Variants in DMD observed in about 807,000 individuals in gnomAD.
DMD encodes the protein dystrophin, also known as mutant dystrophin.
A neutral mutation model predicts 330.1 loss-of-function variants in DMD; 63 were observed. The ratio of observed to expected loss-of-function variants is 0.19; its 90% CI spans 0.16 to 0.24. DMD has a LOEUF of 0.24. DMD is among the 10% of genes least tolerant of loss of function. The pLI is 1.00. For missense variants in DMD, 3,344 were observed against 2,684.1 expected (o/e 1.25, Z -5.43); for synonymous variants, 1,223 against 959.8 (o/e 1.27, Z -5.07).
At chrX:31,712,375 G>A (rs1414904008) in intron 52 of DMD, among the ~76,000 whole-genome samples, 1 of 111,512 alleles carries the variant, frequency 9.0e-6, no homozygotes, top group Non-Finnish European at 1.9e-5. Flanking sequence ...AATGTAGCAA[G>A]CTTGCTTTAC....
At chrX:33,009,011 T>A (rs1182768108) in intron 2 of DMD, among the ~76,000 whole-genome samples, 1 of 98,420 alleles carries the variant, frequency 1.0e-5, no homozygotes, top group Non-Finnish European at 2.1e-5. Context: ...TATACACACA[T>A]ACACACGTAT....
At chrX:32,891,723 T>C (rs1464626895) in intron 2 of DMD, among the ~76,000 whole-genome samples, 1 of 112,023 alleles carries the variant, frequency 8.9e-6, no homozygotes, top group Non-Finnish European at 1.9e-5. Context: ...GAGTCTATCA[T>C]CTGTAAATCA....
At position 32,342,127 on chromosome X, in the gene DMD, C is replaced by A; in HGVS notation, c.5895G>T (p.Gln1965His). 8.3e-7 allele frequency: 1 copy of A among 1,210,092 alleles called. No individual in the cohort carries two copies. Among genetic ancestry groups the A allele is most frequent in the East Asian group, 3.0e-5 (1 of 33,762 alleles). Residue 1965 changes from glutamine (Q) to histidine (H), a missense_variant, in exon 41 of 79, where the codon CAG becomes CAT. Gln to His is a conservative substitution (Grantham distance 24). Transcript: ENST00000357033. ...RWREIESKFA[Q>H]FRRLNFAQIH... is the part of the protein sequence containing the mutation. ...TTTGTGCAAAGTTGAGTCTTCGAAA[C>A]TGAGCAAATTTGCTCTCAATTTCCC...
intron 2 of DMD, among the ~76,000 whole-genome samples, chrX:32,962,046 G>A (rs978923128): frequency 2.7e-5 from 3 of 111,617 alleles, no homozygotes; most frequent in Non-Finnish European, 5.6e-5. Context: ...TCTAGCTGGG[G>A]AAGGCTGATG....
intron 1 of DMD, among the ~76,000 whole-genome samples, chrX:33,332,301 A>G (rs1226345146): frequency 8.9e-6 from 1 of 112,191 alleles, no homozygotes. Flanking sequence ...TTATAAAATG[A>G]CATTTGAGAT....
At chrX:32,621,990 C>T (rs780432462) in intron 11 of DMD, among the ~76,000 whole-genome samples, 1 of 111,729 alleles carries the variant, frequency 9.0e-6, no homozygotes, top group East Asian at 2.8e-4. Context: ...CATACTCACA[C>T]TTGAAAATTA....
At chrX:32,082,397 T>TATC (rs1163009627) in intron 44 of DMD, among the ~76,000 whole-genome samples, 3 of 97,799 alleles carry the variant, frequency 3.1e-5, no homozygotes, top group South Asian at 9.9e-4. Flanking sequence ...CCCGGCTATC[T>TATC]ATCTATCTAT....
intron 55 of DMD, among the ~76,000 whole-genome samples, chrX:31,588,321 T>G (rs1165112276): frequency 9.0e-6 from 1 of 111,149 alleles, no homozygotes; most frequent in African/African-American, 3.3e-5. Context: ...ACAAACCAAC[T>G]AATCCAAAGT....
intron 43 of DMD, among the ~76,000 whole-genome samples, chrX:32,272,527 A>C (rs1406665323): frequency 8.9e-6 from 1 of 112,364 alleles, no homozygotes; most frequent in Non-Finnish European, 1.9e-5. Flanking sequence ...TGGAAGGAAG[A>C]ACATAATCCT....
chrX:33,115,465 C>T (rs1323153502), intron 1 of DMD, among the ~76,000 whole-genome samples: 1 of 110,003 alleles, frequency 9.1e-6, no homozygotes, highest in Non-Finnish European at 1.9e-5. Flanking sequence ...AAGACCACGC[C>T]TAAACTACTG....
chrX:32,130,346 T>C (rs982756974), intron 44 of DMD, among the ~76,000 whole-genome samples: 5 of 111,810 alleles, frequency 4.5e-5, no homozygotes, highest in Non-Finnish European at 9.4e-5. Context: ...GAATTATCAA[T>C]GGATAAAATT....
Position 32,614,473 on chromosome X carries a change from C to T in DMD, c.1332-20G>A. On this transcript the variant is annotated intron_variant, in intron 11 of 78. Transcript: ENST00000357033. ...TGTAAACTGAAAATTTGAAAGAAGC[C>T]TATTATGACCTCTTTGAAAGCAACT... The T allele has an allele frequency of 8.5e-7, 1 of 1,173,292 alleles. No individual in the cohort carries two copies. Among genetic ancestry groups the T allele is most frequent in the South Asian group, 1.8e-5 (1 of 55,562 alleles).
chrX:32,688,125 G>A (rs188947858), intron 9 of DMD, among the ~76,000 whole-genome samples: 37 of 111,261 alleles, frequency 3.3e-4, no homozygotes, highest in Admixed American at 2.0e-3. Flanking sequence ...CTTAAACACC[G>A]GAACACAGAT....
At chrX:32,556,686 T>C (rs1167862829) in intron 16 of DMD, among the ~76,000 whole-genome samples, 1 of 111,929 alleles carries the variant, frequency 8.9e-6, no homozygotes, top group African/African-American at 3.2e-5. Context: ...AGGTATGTCT[T>C]TATAGCAGTG....
chrX:32,818,369 T>C (rs1266057202), intron 5 of DMD, among the ~76,000 whole-genome samples: 1 of 111,196 alleles, frequency 9.0e-6, no homozygotes, highest in African/African-American at 3.3e-5. Context: ...TAGGTGCAAA[T>C]GTTGCTCAGA....
chrX:32,157,228 T>A (rs749499263), intron 44 of DMD, among the ~76,000 whole-genome samples: 3 of 111,996 alleles, frequency 2.7e-5, no homozygotes, highest in Admixed American at 1.9e-4. Flanking sequence ...ACTGAAGGAA[T>A]CCTCAGTCTG....
intron 60 of DMD, among the ~76,000 whole-genome samples, chrX:31,393,232 C>T (rs2060757176): frequency 9.0e-6 from 1 of 111,259 alleles, no homozygotes; most frequent in Admixed American, 9.5e-5. Flanking sequence ...CATCCCAGCA[C>T]TTTGGGAGGC....
At chrX:33,000,114 T>G (rs1295881964) in intron 2 of DMD, among the ~76,000 whole-genome samples, 1 of 111,880 alleles carries the variant, frequency 8.9e-6, no homozygotes, top group Non-Finnish European at 1.9e-5. Context: ...ATATTTTGTG[T>G]TTTTTTTCTT....
At chrX:33,286,912 G>A (rs2053441701) in intron 1 of DMD, among the ~76,000 whole-genome samples, 1 of 112,195 alleles carries the variant, frequency 8.9e-6, no homozygotes, top group Admixed American at 9.5e-5. Flanking sequence ...CTTCTCTGCT[G>A]TTTCTTTCCC....
Sources: gnomAD v4.1 joint callset for allele counts (sites outside exome capture counted in the v4.1 genomes callset) on GRCh38, gnomAD v4.1.1 for gene constraint, MANE v1.5 for transcripts, NCBI Gene and HGNC (gene_info 2026-07-23, HGNC 2026-07-21) for gene names.